Variants in HTRA3 observed in about 807,000 individuals in gnomAD.
HTRA3 encodes the protein serine protease HTRA3.
HTRA3 carries 41 observed loss-of-function variants against 43.2 expected under a neutral mutation model. The ratio of observed to expected loss-of-function variants is 0.95; its 90% CI spans 0.74 to 1.23. The LOEUF (loss-of-function observed/expected upper bound fraction) is 1.23, where lower values mean the gene tolerates loss of function less well. HTRA3 is among the 50% of genes most tolerant of loss of function. HTRA3 has a pLI of 0.00. For synonymous variants in HTRA3, 295 were observed against 287.9 expected (o/e 1.02, Z -0.25); for missense variants, 628 against 647.1 (o/e 0.97, Z 0.32).
intron 5 of HTRA3, among the ~76,000 whole-genome samples, chr4:8,293,394 T>G (rs1409057013): frequency 6.6e-6 from 1 of 152,154 alleles, no homozygotes. Context: ...CCTCCTGAGC[T>G]TCCAGGGACC....
At chr4:8,278,356 A>G in intron 1 of HTRA3, among the ~76,000 whole-genome samples, 1 of 151,020 alleles carries the variant, frequency 6.6e-6, no homozygotes. Flanking sequence ...TCCCTGACTG[A>G]AACTTCCAGG....
At position 8,302,496 on chromosome 4, in the gene HTRA3, G is replaced by A. The variant is rs776712915; in HGVS notation, c.1085G>A (p.Arg362Gln). 3.1e-5 allele frequency: 50 copies of A among 1,613,858 alleles called. No homozygotes were observed. Among genetic ancestry groups the A allele is most frequent in the Non-Finnish European group, 3.7e-5 (44 of 1,179,964 alleles). Residue 362 changes from arginine (R) to glutamine (Q), a missense_variant, in exon 7 of 9, where the codon CGG becomes CAG. Arg to Gln is a conservative substitution (Grantham distance 43). Coordinates refer to ENST00000307358, the MANE Select transcript of HTRA3 (RefSeq NM_053044.5). ...WKKRFIGIRM[R>Q]TITPSLVDEL... Reference sequence around the variant, plus strand: ...AAGCGCTTCATCGGCATACGGATGCGGACGATCACACCAAGGTGAGTGTCT... The same window carrying A: ...AAGCGCTTCATCGGCATACGGATGCAGACGATCACACCAAGGTGAGTGTCT...
At position 8,286,319 on chromosome 4, in the gene HTRA3, C is replaced by T. The variant is rs1424225704; in HGVS notation, c.486-242C>T. On this transcript the variant is annotated intron_variant, in intron 2 of 8. Coordinates refer to ENST00000307358, the MANE Select transcript of HTRA3 (RefSeq NM_053044.5). This position sits in a 1 kb window ranked among gnomAD's most constrained non-coding sequence, Gnocchi z 4.9. Reference sequence around the variant, plus strand: ...ACATGTCGCAGGCAGCCTGTCTCATCTCAGCAAATTGCAGCGAGAGGTGAT... The same window carrying T: ...ACATGTCGCAGGCAGCCTGTCTCATTTCAGCAAATTGCAGCGAGAGGTGAT... Among the ~76,000 whole-genome samples the T allele has an allele frequency of 2.0e-5, 3 of 152,188 alleles. No homozygotes were observed. The highest frequency in any genetic ancestry group is 7.2e-5 in the African/African-American group (3 of 41,448).
chr4:8,271,114 C>T (rs1712253270), intron 1 of HTRA3, among the ~76,000 whole-genome samples: 1 of 152,126 alleles, frequency 6.6e-6, no homozygotes, highest in Non-Finnish European at 1.5e-5. Context: ...CATCAGCTTG[C>T]AGGTGGCAGG....
rs766465790 is a variant in HTRA3 at position 8,297,312 on chromosome 4, C to G, written c.1051+3111C>G. ...GTCCCCTATCCTGAGCACAGTGAGT[C>G]GTGCTTTCCCCAGCTCTGGCCCAGG... On this transcript the variant is annotated intron_variant, in intron 6 of 8. Transcript: ENST00000307358. This position sits in a 1 kb window ranked among gnomAD's most constrained non-coding sequence, Gnocchi z 5.8. 6.6e-6 allele frequency among the ~76,000 whole-genome samples: 1 copy of G among 152,004 alleles called. No homozygotes were observed. The highest frequency in any genetic ancestry group is 1.5e-5 in the Non-Finnish European group (1 of 67,994).
At position 8,306,168 on chromosome 4, in the gene HTRA3, G is replaced by T; in HGVS notation, c.*32G>T. Reference sequence around the variant, plus strand: ...CATTCCTCCAGCGCCAAGCGTCAGAGCCTGCAGACAACGGAGGGCAGCGCC... The same window carrying T: ...CATTCCTCCAGCGCCAAGCGTCAGATCCTGCAGACAACGGAGGGCAGCGCC... On this transcript the variant is annotated 3_prime_UTR_variant, in exon 9 of 9. Transcript: ENST00000307358. This position sits in a 1 kb window ranked among gnomAD's most constrained non-coding sequence, Gnocchi z 8.9. The T allele has an allele frequency of 6.5e-7, 1 of 1,539,744 alleles. No individual in the cohort carries two copies. Among genetic ancestry groups the T allele is most frequent in the Non-Finnish European group, 8.8e-7 (1 of 1,138,304 alleles).
chr4:8,270,258 A>G lies in HTRA3; in HGVS notation c.290A>G (p.Tyr97Cys). The stretch of plus-strand genomic sequence containing the variant: ...GTGTGTGGCACCGACGGGCACACCT[A>G]TGCCAACGTGTGCGCGCTGCAGGCG... Reference protein sequence around the residue: ...HAVCGTDGHTYANVCALQAAS... With the variant: ...HAVCGTDGHTCANVCALQAAS... Residue 97 changes from tyrosine to cysteine, a missense_variant, in exon 1 of 9, where the codon TAT becomes TGT. Transcript: ENST00000307358. 1 of 1,514,792 alleles carries G rather than the reference A, an allele frequency of 6.6e-7. No homozygotes were observed. The highest frequency in any genetic ancestry group is 8.8e-7 in the Non-Finnish European group (1 of 1,139,930). The allele number at this position is 1,514,792 out of a possible 1,614,324, so 93.8% of individuals were successfully genotyped here.
intron 3 of HTRA3, among the ~76,000 whole-genome samples, chr4:8,288,949 T>C (rs10000359): frequency 0.045 from 5,239 of 117,628 alleles, 407 homozygotes; most frequent in African/African-American, 0.17. Context: ...TTCCTCCCCC[T>C]CTCTCTCTCT....
chr4:8,288,948 C>T (rs1281173577), intron 3 of HTRA3, among the ~76,000 whole-genome samples: 1 of 133,158 alleles, frequency 7.5e-6, no homozygotes, highest in African/African-American at 3.0e-5. Context: ...CTTCCTCCCC[C>T]TCTCTCTCTC....
chr4:8,284,890 C>T (rs926391966), intron 2 of HTRA3, among the ~76,000 whole-genome samples: 2 of 152,206 alleles, frequency 1.3e-5, no homozygotes, highest in Non-Finnish European at 2.9e-5. Flanking sequence ...TAACAAAGTA[C>T]CACAGACTGC....
intron 5 of HTRA3, among the ~76,000 whole-genome samples, chr4:8,293,333 G>A (rs1179879595): frequency 6.6e-6 from 1 of 152,188 alleles, no homozygotes; most frequent in Non-Finnish European, 1.5e-5. Context: ...GAGGGCCGAG[G>A]GTGGACACAG....
intron 5 of HTRA3, among the ~76,000 whole-genome samples, chr4:8,293,424 T>G (rs1026994014): frequency 2.0e-5 from 3 of 152,148 alleles, no homozygotes; most frequent in Non-Finnish European, 4.4e-5. Context: ...AAGGGTGCCT[T>G]GACCCAAAGC....
At position 8,297,117 on chromosome 4, in the gene HTRA3, C is replaced by T. The variant is rs768978144; in HGVS notation, c.1051+2916C>T. On this transcript the variant is annotated intron_variant, in intron 6 of 8. Transcript: ENST00000307358. The surrounding 1 kb of genome is among the most constrained non-coding windows in gnomAD (Gnocchi z 5.8). The stretch of plus-strand genomic sequence containing the variant: ...CATAAGGTCCCTTGGTCTCAGGCCC[C>T]TGTGCTGGGTAGAGTCCTGAGTCCT... Among the ~76,000 whole-genome samples the T allele has an allele frequency of 2.0e-5, 3 of 152,070 alleles. No individual in the cohort carries two copies. The highest frequency in any genetic ancestry group is 4.8e-5 in the African/African-American group (2 of 41,406).
chr4:8,279,230 A>T lies in HTRA3; in HGVS notation c.386-3207A>T, dbSNP rs1201884988. 7.2e-5 allele frequency among the ~76,000 whole-genome samples: 11 copies of T among 151,828 alleles called. No individual in the cohort carries two copies. The highest frequency in any genetic ancestry group is 2.4e-5 in the African/African-American group (1 of 41,340). On this transcript the variant is annotated intron_variant, in intron 1 of 8. Coordinates refer to ENST00000307358, the MANE Select transcript of HTRA3 (RefSeq NM_053044.5). The surrounding 1 kb of genome is among the most constrained non-coding windows in gnomAD (Gnocchi z 7.4). ...AGGCCTTGCTCTCCCTCCCTGTTTT[A>T]TTTTCTCTTTGAAAAATGAAAAAAA...
At chr4:8,281,738 C>T (rs1283549135) in intron 1 of HTRA3, among the ~76,000 whole-genome samples, 1 of 152,364 alleles carries the variant, frequency 6.6e-6, no homozygotes, top group East Asian at 1.9e-4. Context: ...GTCCTGGCAG[C>T]CACAGCCCCT....
chr4:8,303,949 T>C (rs1713748673), intron 7 of HTRA3, among the ~76,000 whole-genome samples: 1 of 152,134 alleles, frequency 6.6e-6, no homozygotes, highest in Non-Finnish European at 1.5e-5. Context: ...TCCTCCCACC[T>C]GTCTACCCAC....
rs115358895 is a variant in HTRA3 at position 8,297,892 on chromosome 4, T to G, written c.1051+3691T>G. On this transcript the variant is annotated intron_variant, in intron 6 of 8. Transcript: ENST00000307358. The surrounding 1 kb of genome is among the most constrained non-coding windows in gnomAD (Gnocchi z 5.8). ...CTAAGAGCACCTGTCAAGACCCCCC[T>G]GCTCCTGCAGCCCCACCTGCCGTCC... Among the ~76,000 whole-genome samples, 4,650 of 152,238 alleles carry G rather than the reference T, an allele frequency of 0.031. 242 individuals are homozygous for G. The highest frequency in any genetic ancestry group is 0.11 in the African/African-American group (4,424 of 41,512).
chr4:8,287,555 G>A (rs1713043141), intron 3 of HTRA3, among the ~76,000 whole-genome samples: 1 of 152,164 alleles, frequency 6.6e-6, no homozygotes, highest in Non-Finnish European at 1.5e-5. Context: ...GCCGGAGAGA[G>A]AGAGAGTGAA....
At chr4:8,283,498 G>A (rs964858225) in intron 2 of HTRA3, among the ~76,000 whole-genome samples, 19 of 152,190 alleles carry the variant, frequency 1.2e-4, no homozygotes, top group Admixed American at 1.0e-3. Context: ...CGCTCACACC[G>A]AATCCTGAGG....
Sources: gnomAD v4.1 joint callset for allele counts (sites outside exome capture counted in the v4.1 genomes callset) on GRCh38, gnomAD v4.1.1 for gene constraint, Gnocchi (gnomAD v3.1) non-coding constraint, MANE v1.5 for transcripts, NCBI Gene and HGNC (gene_info 2026-07-23, HGNC 2026-07-21) for gene names.